The following KLK8 variants were observed in gnomAD, a reference collection of about 807,000 sequenced individuals.
The protein encoded by KLK8 is kallikrein related peptidase 8.
In KLK8, 18 loss-of-function variants were observed where a neutral mutation model predicts 26.7. The ratio of observed to expected loss-of-function variants is 0.67; its 90% CI spans 0.47 to 1.00. The LOEUF (loss-of-function observed/expected upper bound fraction) is 1.00, where lower values mean the gene tolerates loss of function less well. KLK8 is among the 50% of genes least tolerant of loss of function. The pLI is 0.00. For synonymous variants in KLK8, 137 were observed against 127.1 expected (o/e 1.08, Z -0.52); for missense variants, 301 against 331.7 (o/e 0.91, Z 0.72).
At chr19:51,000,606 G>T in intron 3 of KLK8, 23 bp from the exon 3 acceptor site, 1 of 1,613,242 alleles carries the variant, frequency 6.2e-7, no homozygotes, top group Non-Finnish European at 8.5e-7. Context: ...GGAGAGGGTT[G>T]GATCGCCACC....
chr19:51,001,140 T>C (rs370760631), exon 3 of KLK8: 1 of 1,613,402 alleles, frequency 6.2e-7, no homozygotes, highest in Non-Finnish European at 8.5e-7. Context: ...ATCCACGTCT[T>C]GGCCGCACGA....
intron 6 of KLK8, 24 bp downstream of exon 5, chr19:50,997,727 A>G (rs780922621): frequency 1.2e-6 from 2 of 1,612,884 alleles, no homozygotes; most frequent in South Asian, 2.2e-5. Flanking sequence ...ATGTGTGAGG[A>G]GAAGGATTTC....
intron 6 of KLK8, 102 bp from the exon 6 acceptor site, chr19:50,996,316 C>A (rs539042885): frequency 1.1e-5 from 15 of 1,314,524 alleles, no homozygotes; most frequent in Middle Eastern, 2.7e-4. Flanking sequence ...GATTGGTCCC[C>A]TGTAGCCAAT....
intron 3 of KLK8, 163 bp from the exon 3 acceptor site, chr19:51,000,746 C>A (rs751350985): frequency 2.0e-6 from 3 of 1,519,014 alleles, no homozygotes; most frequent in Non-Finnish European, 2.7e-6. Flanking sequence ...TCATTTCAGT[C>A]CATGTGTCAT....
At chr19:50,996,244 A>G in intron 6 of KLK8, 30 bp from the exon 6 acceptor site, 2 of 1,607,476 alleles carry the variant, frequency 1.2e-6, no homozygotes, top group Non-Finnish European at 1.7e-6. Context: ...ACAGCCTTGC[A>G]TCTGAGATGT....
intron 3 of KLK8, 124 bp downstream of exon 2, chr19:51,000,974 G>A (rs2091218974): frequency 1.0e-6 from 1 of 960,568 alleles, no homozygotes; most frequent in South Asian, 1.5e-5. Context: ...CTCCTGCACC[G>A]TATCGCACTC....
At chr19:50,998,297 C>T (rs951237973) in intron 5 of KLK8, among the ~76,000 whole-genome samples, 8 of 152,108 alleles carry the variant, frequency 5.3e-5, no homozygotes, top group Non-Finnish European at 8.8e-5. Context: ...CCTGACCACT[C>T]GAATTAAAAA....
At chr19:51,000,134 G>A (rs1244404662) in exon 5 of KLK8, 1 of 1,614,088 alleles carries the variant, frequency 6.2e-7, no homozygotes, top group East Asian at 2.2e-5. Context: ...ATCAGATCAT[G>A]GTTGTGGTCC....
chr19:50,998,321 A>T (rs1259912017), intron 5 of KLK8, among the ~76,000 whole-genome samples: 1 of 152,098 alleles, frequency 6.6e-6, no homozygotes, highest in East Asian at 1.9e-4. Context: ...CCATCCCTCC[A>T]TTACTCCCTA....
At chr19:50,997,836 T>G in exon 6 of KLK8, 1 of 1,614,178 alleles carries the variant, frequency 6.2e-7, no homozygotes, top group South Asian at 1.1e-5. Flanking sequence ...ACACTTCTTC[T>G]GGGGAAAGAT....
intron 4 of KLK8, 78 bp downstream of exon 3, chr19:51,000,346 T>C: frequency 6.5e-7 from 1 of 1,538,284 alleles, no homozygotes; most frequent in Non-Finnish European, 8.8e-7. Flanking sequence ...AGTCCTCAGC[T>C]CTCTCCTTCC....
At chr19:50,996,239 C>T in intron 6 of KLK8, 25 bp from the exon 6 acceptor site, 3 of 1,610,646 alleles carry the variant, frequency 1.9e-6, no homozygotes, top group Non-Finnish European at 2.5e-6. Flanking sequence ...TGAGAACAGC[C>T]TTGCATCTGA....
At chr19:50,999,909 C>G in intron 5 of KLK8, 87 bp downstream of exon 4, 3 of 1,420,052 alleles carry the variant, frequency 2.1e-6, no homozygotes, top group Non-Finnish European at 2.9e-6. Flanking sequence ...TTGTCTCCCT[C>G]TGGGGGACCA....
At chr19:51,001,175 T>G in exon 3 of KLK8, 1 of 1,611,862 alleles carries the variant, frequency 6.2e-7, no homozygotes, top group South Asian at 1.1e-5. Context: ...CATGGTGAGG[T>G]CTGGGAAATG....
At chr19:51,000,763 AG>A in intron 3 of KLK8, 180 bp from the exon 3 acceptor site, 1 of 1,506,360 alleles carries the variant, frequency 6.6e-7, no homozygotes, top group Non-Finnish European at 8.9e-7. Flanking sequence ...TCATCATACA[AG>A]AGTCACACAC....
At chr19:51,001,064 C>T in intron 3 of KLK8, 34 bp downstream of exon 2, 1 of 1,584,282 alleles carries the variant, frequency 6.3e-7, no homozygotes, top group Middle Eastern at 1.7e-4. Context: ...CCTTCAGATC[C>T]CTCCCCTCCG....
exon 5 of KLK8, chr19:51,000,238 C>T (rs1459746369): frequency 1.3e-6 from 2 of 1,592,340 alleles, no homozygotes; most frequent in Non-Finnish European, 1.7e-6. Flanking sequence ...GCTGTGGTCT[C>T]CCAGGCGTAC....
rs1462706680 is a variant in KLK8, at chr19:51,001,220, C to T, written c.-8-45G>A. On this transcript the variant is annotated intron_variant, in intron 2 of 6. Coordinates refer to ENST00000600767, the Ensembl canonical transcript of KLK8. The stretch of plus-strand genomic sequence containing the variant: ...GGGCCGGTAAACAGGAAGGAGGAGC[C>T]TGAGCTCCCAGTTCTGGATTTGGGC... 6 of 1,549,436 alleles carry T rather than the reference C, an allele frequency of 3.9e-6. No homozygotes were observed. The Admixed American group carries it at 9.1e-5, about 24-fold the overall frequency.
At chr19:50,999,514 GA>G (rs2122326692) in intron 5 of KLK8, among the ~76,000 whole-genome samples, 1 of 138,154 alleles carries the variant, frequency 7.2e-6, no homozygotes, top group East Asian at 2.3e-4. Context: ...AGGAGGCAGA[GA>G]TTGTAGTGAG....
Sources: allele counts gnomAD v4.1 joint callset (sites outside exome capture counted in the v4.1 genomes callset), GRCh38; gene constraint gnomAD v4.1.1; transcripts MANE v1.5; gene names NCBI Gene and HGNC (gene_info 2026-07-23, HGNC 2026-07-21).